SPATA6: variants seen among roughly 807,000 people sequenced by gnomAD.
The protein encoded by SPATA6 is spermatogenesis-associated protein 6.
Under a neutral mutation model 65.3 loss-of-function variants are expected in SPATA6, and 56 were observed. The observed-to-expected ratio is 0.86, with a 90% CI of 0.69 to 1.07. The LOEUF is 1.07. Among genes scored for constraint, SPATA6 ranks in the 50% least tolerant of loss-of-function variants. The pLI is 0.00. For missense variants in SPATA6, 590 were observed against 594.8 expected (o/e 0.99, Z 0.08); for synonymous variants, 199 against 213.2 (o/e 0.93, Z 0.58).
At position 48,355,504 on chromosome 1, in the gene SPATA6, G is replaced by A; in HGVS notation, c.1194+166C>T. 7.7e-6 allele frequency: 4 copies of A among 518,742 alleles called. No individual in the cohort carries two copies. The South Asian group carries it at 1.3e-4, about 17-fold the overall frequency. The allele number at this position is 518,742 out of a possible 1,614,324, so 32.1% of individuals were successfully genotyped here. The stretch of plus-strand genomic sequence containing the variant: ...TTGCATAATGACTTAGGTCAAGCAG[G>A]CATTTAGATATGTTGCCTTGGGCAA... On this transcript the variant is annotated intron_variant, in intron 11 of 12. Transcript: ENST00000371847.
intron 3 of SPATA6, among the ~76,000 whole-genome samples, chr1:48,426,383 G>C (rs1321660187): frequency 1.3e-5 from 2 of 152,106 alleles, no homozygotes; most frequent in Non-Finnish European, 2.9e-5. Context: ...TAGCCCATAA[G>C]AACTACAGAA....
chr1:48,457,632 A>G (rs927785970), intron 1 of SPATA6, among the ~76,000 whole-genome samples: 3 of 152,180 alleles, frequency 2.0e-5, no homozygotes, highest in African/African-American at 7.2e-5. Flanking sequence ...CTTTCAAACA[A>G]TAATTCAATA....
At chr1:48,336,224 A>T (rs977677818) in intron 11 of SPATA6, among the ~76,000 whole-genome samples, 1 of 152,030 alleles carries the variant, frequency 6.6e-6, no homozygotes, top group African/African-American at 2.4e-5. Context: ...CAGTATGGTG[A>T]CTTCTCAAAA....
the SPATA6 span, among the ~76,000 whole-genome samples, chr1:48,280,445 T>C: frequency 6.6e-6 from 1 of 151,196 alleles, no homozygotes; most frequent in Non-Finnish European, 1.5e-5. Context: ...GCAAGACTAA[T>C]AAAGAAGAAA....
intron 3 of SPATA6, among the ~76,000 whole-genome samples, chr1:48,420,035 A>T (rs1570517327): frequency 1.3e-5 from 2 of 152,138 alleles, no homozygotes; most frequent in East Asian, 3.9e-4. Flanking sequence ...AGACAAGAGT[A>T]TGATTAGAGT....
intron 11 of SPATA6, among the ~76,000 whole-genome samples, chr1:48,347,871 T>G (rs1646413742): frequency 6.6e-6 from 1 of 151,890 alleles, no homozygotes. Context: ...TGGAACTAAC[T>G]CACTAACTCA....
chr1:48,364,946 T>G (rs1646949314), intron 9 of SPATA6, among the ~76,000 whole-genome samples: 3 of 152,372 alleles, frequency 2.0e-5, no homozygotes, highest in Admixed American at 2.0e-4. Context: ...TACATGTAAG[T>G]CTTTAATCCA....
chr1:48,411,092 G>C (rs1425743693), intron 5 of SPATA6, among the ~76,000 whole-genome samples: 1 of 152,104 alleles, frequency 6.6e-6, no homozygotes, highest in East Asian at 1.9e-4. Flanking sequence ...GAAAAATAAA[G>C]AGAAGAAAGA....
At chr1:48,335,038 C>T (rs896932956) in intron 11 of SPATA6, among the ~76,000 whole-genome samples, 3 of 151,922 alleles carry the variant, frequency 2.0e-5, no homozygotes, top group African/African-American at 7.3e-5. Context: ...TTCACAACTG[C>T]CACAAAAAGT....
At chr1:48,264,895 G>A in the SPATA6 span, among the ~76,000 whole-genome samples, 3 of 152,194 alleles carry the variant, frequency 2.0e-5, no homozygotes, top group African/African-American at 7.2e-5. Context: ...TAATGGGATT[G>A]TTGGGTCAAA....
chr1:48,318,395 ATAAC>A (rs1362349910), intron 11 of SPATA6, among the ~76,000 whole-genome samples: 2 of 152,166 alleles, frequency 1.3e-5, no homozygotes, highest in African/African-American at 4.8e-5. Flanking sequence ...AATACACAAA[ATAAC>A]TATTAGAGCT....
chr1:48,335,453 T>C (rs542105592), intron 11 of SPATA6, among the ~76,000 whole-genome samples: 8 of 151,662 alleles, frequency 5.3e-5, no homozygotes, highest in South Asian at 2.1e-4. Flanking sequence ...CATAGGCCAA[T>C]AGAACAGAAG....
chr1:48,358,801 GTCTACAACATGCC>G (rs1356967738), intron 10 of SPATA6, among the ~76,000 whole-genome samples: 2 of 152,128 alleles, frequency 1.3e-5, no homozygotes, highest in African/African-American at 2.4e-5. Context: ...CAGGATTAGG[GTCTACAACATGCC>G]TCCATATATC....
the SPATA6 span, among the ~76,000 whole-genome samples, chr1:48,284,739 GC>G: frequency 6.6e-6 from 1 of 152,126 alleles, no homozygotes; most frequent in Non-Finnish European, 1.5e-5. Flanking sequence ...GACCCTGTTT[GC>G]CTGGTTATCA....
the SPATA6 span, among the ~76,000 whole-genome samples, chr1:48,264,765 C>T: frequency 1.4e-4 from 21 of 152,284 alleles, no homozygotes; most frequent in Non-Finnish European, 2.8e-4. Context: ...TCCAGTCTAT[C>T]GTTGATGGGC....
At position 48,376,654 on chromosome 1, in the gene SPATA6, A is replaced by C. The variant is rs1379940257; in HGVS notation, c.909+8655T>G. 2.0e-5 allele frequency among the ~76,000 whole-genome samples: 3 copies of C among 152,138 alleles called. 1 individual carries two copies. Among genetic ancestry groups the C allele is most frequent in the African/African-American group, 7.2e-5 (3 of 41,434 alleles). On this transcript the variant is annotated intron_variant, in intron 9 of 12. Coordinates refer to ENST00000371847, the MANE Select transcript of SPATA6 (RefSeq NM_019073.4). ...AGAACACATTCAGTCATGTGTTCTC[A>C]TTGTTAAGTATGCATTGCTTAACAA...
At chr1:48,382,611 G>A (rs1648818835) in intron 9 of SPATA6, among the ~76,000 whole-genome samples, 16 of 115,130 alleles carry the variant, frequency 1.4e-4, no homozygotes, top group African/African-American at 4.3e-4. Flanking sequence ...CCTCCCTCCC[G>A]GACGGGGCGG....
chr1:48,277,624 G>A, the SPATA6 span, among the ~76,000 whole-genome samples: 33 of 152,366 alleles, frequency 2.2e-4, no homozygotes, highest in South Asian at 6.8e-3. Flanking sequence ...GCCAGGCTGG[G>A]GGAGGGGCAC....
At chr1:48,268,316 GTGTGTGTGTGTGTGTGTT>G in the SPATA6 span, among the ~76,000 whole-genome samples, 4 of 151,400 alleles carry the variant, frequency 2.6e-5, no homozygotes, top group Non-Finnish European at 5.9e-5. Context: ...GTGTGTGTGT[GTGTGTGTGTGTGTGTGTT>G]TGTGTGTGTG....
Sources: allele counts gnomAD v4.1 joint callset (sites outside exome capture counted in the v4.1 genomes callset), GRCh38; gene constraint gnomAD v4.1.1; transcripts MANE v1.5; gene names NCBI Gene and HGNC (gene_info 2026-07-23, HGNC 2026-07-21).